The following COL12A1 variants were observed in gnomAD, a reference collection of about 807,000 sequenced individuals.
COL12A1 encodes collagen alpha-1(XII) chain.
A neutral mutation model predicts 349.7 loss-of-function variants in COL12A1; 114 were observed. That is an observed-to-expected ratio of 0.33 (90% CI 0.28 to 0.38). The LOEUF (loss-of-function observed/expected upper bound fraction) is 0.38. Ranked by LOEUF, COL12A1 falls within the 10% of genes least tolerant of loss-of-function variation. COL12A1 has a pLI of 1.00. For synonymous variants in COL12A1, 1,369 were observed against 1,329.0 expected (o/e 1.03, Z -0.66); for missense variants, 3,284 against 3,756.9 (o/e 0.87, Z 3.29).
At chr6:75,194,324 C>A (rs1223276158) in intron 3 of COL12A1, among the ~76,000 whole-genome samples, 1 of 152,108 alleles carries the variant, frequency 6.6e-6, no homozygotes, top group African/African-American at 2.4e-5. Flanking sequence ...GTTTAGTTTT[C>A]CAAGGATTCA....
intron 6 of COL12A1, 39 bp downstream of exon 6, chr6:75,189,508 ACATTT>A (rs751368392): frequency 1.4e-5 from 22 of 1,587,720 alleles, no homozygotes; most frequent in Non-Finnish European, 1.8e-5. Flanking sequence ...TCTGAAACAG[ACATTT>A]CATTTATTTT....
At chr6:75,159,572 CAGT>C (rs1168108934) in intron 14 of COL12A1, among the ~76,000 whole-genome samples, 1 of 151,084 alleles carries the variant, frequency 6.6e-6, no homozygotes, top group Non-Finnish European at 1.5e-5. Context: ...TTAGCATTAC[CAGT>C]TGTCACAAAT....
At chr6:75,133,542 T>C (rs1275167132) in intron 33 of COL12A1, 120 bp from the exon 34 acceptor site, 8 of 1,020,718 alleles carry the variant, frequency 7.8e-6, no homozygotes, top group African/African-American at 1.6e-5. Flanking sequence ...AATATTAGGA[T>C]GTCATAATAA....
In COL12A1 at chr6:75,151,751, T is replaced by C. The variant is rs28571192; in HGVS notation, c.4000+116A>G. The stretch of plus-strand genomic sequence containing the variant: ...CCTGGAACATTATTTTGATAAATTA[T>C]GTGATAGAAAAAAATGGGTATTTTT... On this transcript the variant is annotated intron_variant, in intron 20 of 65. Transcript: ENST00000322507. 2.7e-6 allele frequency: 3 copies of C among 1,118,710 alleles called. No individual in the cohort carries two copies. The South Asian group carries it at 4.9e-5, about 18-fold the overall frequency. The allele number at this position is 1,118,710 out of a possible 1,614,324, so 69.3% of individuals were successfully genotyped here. A position where few individuals can be genotyped will look rare whatever the true frequency, so the allele number is the denominator to read the frequency against.
chr6:75,195,858 T>C (rs1260713263), intron 2 of COL12A1, among the ~76,000 whole-genome samples: 1 of 152,126 alleles, frequency 6.6e-6, no homozygotes, highest in Non-Finnish European at 1.5e-5. Context: ...TGGACATTTA[T>C]TTACAGAACT....
At chr6:75,120,371 G>A (rs1004887717) in intron 44 of COL12A1, among the ~76,000 whole-genome samples, 2 of 151,944 alleles carry the variant, frequency 1.3e-5, no homozygotes, top group African/African-American at 2.4e-5. Context: ...AATTGTTTGT[G>A]GTTTATTTCA....
intron 51 of COL12A1, among the ~76,000 whole-genome samples, chr6:75,111,790 C>G (rs771721094): frequency 6.6e-6 from 1 of 151,344 alleles, no homozygotes; most frequent in Non-Finnish European, 1.5e-5. Flanking sequence ...AGTAGATATA[C>G]GATTGTACTC....
chr6:75,135,429 T>C (rs1450126736), intron 31 of COL12A1, among the ~76,000 whole-genome samples: 2 of 152,220 alleles, frequency 1.3e-5, no homozygotes, highest in Admixed American at 6.5e-5. Flanking sequence ...GGTTTCCAGT[T>C]GTCTCCATGA....
intron 59 of COL12A1, among the ~76,000 whole-genome samples, chr6:75,096,091 G>A (rs1768013057): frequency 6.6e-6 from 1 of 151,948 alleles, no homozygotes; most frequent in Non-Finnish European, 1.5e-5. Flanking sequence ...TTTTCTCCCT[G>A]TTGCTTTTAC....
intron 13 of COL12A1, among the ~76,000 whole-genome samples, chr6:75,169,730 C>G (rs561724770): frequency 1.2e-4 from 18 of 152,274 alleles, no homozygotes; most frequent in Admixed American, 9.8e-4. Context: ...AACAAGTCAT[C>G]ATCTACAATG....
In COL12A1 at chr6:75,125,116, C is replaced by A. The variant is rs531391980; in HGVS notation, c.6607+11G>T. The A allele has an allele frequency of 1.3e-6, 2 of 1,570,750 alleles. No homozygotes were observed. Among genetic ancestry groups the A allele is most frequent in the South Asian group, 1.2e-5 (1 of 81,604 alleles). On this transcript the variant is annotated intron_variant, in intron 40 of 65. Coordinates refer to ENST00000322507, the MANE Select transcript of COL12A1 (RefSeq NM_004370.6). ...GTTTTTCTCACAACCATGAAAATAT[C>A]CATGACTCACATGTAGTGCCTTGAT...
In COL12A1 at chr6:75,124,036, G is replaced by A. The variant is rs1302058604; in HGVS notation, c.6783C>T (p.Gly2261=). The A allele has an allele frequency of 6.2e-7, 1 of 1,613,858 alleles. No homozygotes were observed. Among genetic ancestry groups the A allele is most frequent in the East Asian group, 2.2e-5 (1 of 44,892 alleles). Reference sequence around the variant, plus strand: ...CACCATAATCAGTGTCTGGTGAAAGGCCAGTGAAGCAGTGACTGGTTTCTG... The same window carrying A: ...CACCATAATCAGTGTCTGGTGAAAGACCAGTGAAGCAGTGACTGGTTTCTG... ...RGSETSHCFT[G]LSPDTDYGVT... is the part of the protein sequence containing the mutation. The change falls in exon 42 of 66, where the codon GGC becomes GGT. Residue 2261 remains glycine, a synonymous_variant. Transcript: ENST00000322507.
At chr6:75,123,728 T>G (rs142287068) in intron 42 of COL12A1, among the ~76,000 whole-genome samples, 192 of 152,270 alleles carry the variant, frequency 1.3e-3, no homozygotes, top group Non-Finnish European at 2.3e-3. Flanking sequence ...TAGCCCTTCC[T>G]CAAAGTAGCA....
intron 16 of COL12A1, among the ~76,000 whole-genome samples, chr6:75,154,991 G>A (rs1444807977): frequency 6.6e-6 from 1 of 152,036 alleles, no homozygotes. Context: ...TCCCTACTCT[G>A]GTAAAAGTAA....
At chr6:75,154,920 G>T (rs1211010008) in intron 16 of COL12A1, among the ~76,000 whole-genome samples, 3 of 152,104 alleles carry the variant, frequency 2.0e-5, no homozygotes. Context: ...ACCTTGCAAG[G>T]TAACATAAGA....
chr6:75,179,100 A>G (rs2149458984), intron 11 of COL12A1, among the ~76,000 whole-genome samples: 2 of 152,348 alleles, frequency 1.3e-5, no homozygotes, highest in East Asian at 3.9e-4. Flanking sequence ...GAAAACATTT[A>G]GCAGAGCCCC....
intron 9 of COL12A1, 64 bp downstream of exon 9, chr6:75,183,790 G>A (rs1769461748): frequency 6.3e-7 from 1 of 1,580,244 alleles, no homozygotes; most frequent in Middle Eastern, 1.7e-4. Flanking sequence ...GTCCAAACAA[G>A]TAAGGCATTC....
At chr6:75,186,535 T>C (rs1769630298) in intron 8 of COL12A1, among the ~76,000 whole-genome samples, 1 of 152,154 alleles carries the variant, frequency 6.6e-6, no homozygotes, top group Admixed American at 6.5e-5. Flanking sequence ...GTAAATTAGT[T>C]CAACCATTGT....
intron 54 of COL12A1, among the ~76,000 whole-genome samples, chr6:75,104,805 A>G (rs62415669): frequency 1.1e-4 from 16 of 152,196 alleles, no homozygotes; most frequent in Non-Finnish European, 2.1e-4. Flanking sequence ...TAAGATGCAC[A>G]TGTTCTAGGT....
Sources: allele counts gnomAD v4.1 joint callset (sites outside exome capture counted in the v4.1 genomes callset), GRCh38; gene constraint gnomAD v4.1.1; transcripts MANE v1.5; gene names NCBI Gene and HGNC (gene_info 2026-07-23, HGNC 2026-07-21).